Variants in TXNDC16 observed in about 807,000 individuals in gnomAD.
TXNDC16 encodes thioredoxin domain-containing protein 16.
A neutral mutation model predicts 85.6 loss-of-function variants in TXNDC16; 74 were observed. That is an observed-to-expected ratio of 0.86 (90% CI 0.72 to 1.05). The LOEUF (loss-of-function observed/expected upper bound fraction) is 1.05. Ranked by LOEUF, TXNDC16 falls within the 50% of genes least tolerant of loss-of-function variation. The pLI, the probability that TXNDC16 is intolerant of heterozygous loss-of-function variation, is 0.00. For synonymous variants in TXNDC16, 335 were observed against 326.5 expected (o/e 1.03, Z -0.28); for missense variants, 959 against 947.0 (o/e 1.01, Z -0.17).
In TXNDC16 at chr14:52,470,743, C is replaced by T; in HGVS notation, c.1313-63G>A. The T allele has an allele frequency of 2.7e-6, 4 of 1,465,966 alleles. 1 individual carries two copies. In the South Asian group the frequency reaches 5.4e-5, roughly 20 times the overall value. 90.8% of individuals were successfully genotyped at this position (1,465,966 alleles called of 1,614,324 possible). A position where few individuals can be genotyped will look rare whatever the true frequency, so the allele number is the denominator to read the frequency against. On this transcript the variant is annotated intron_variant, in intron 14 of 20. Coordinates refer to ENST00000281741, the MANE Select transcript of TXNDC16 (RefSeq NM_020784.3). Reference sequence around the variant, plus strand: ...TGTAGAAAATGCATTTGCTTAGGATCTTCAGTATTTTTCTATCCCATTCTT... The same window carrying T: ...TGTAGAAAATGCATTTGCTTAGGATTTTCAGTATTTTTCTATCCCATTCTT...
intron 8 of TXNDC16, among the ~76,000 whole-genome samples, chr14:52,512,655 C>T (rs530498352): frequency 1.1e-4 from 17 of 152,022 alleles, no homozygotes; most frequent in South Asian, 8.3e-4. Flanking sequence ...TTGCAGATAA[C>T]GGAAAACAAA....
intron 9 of TXNDC16, among the ~76,000 whole-genome samples, chr14:52,499,005 A>G (rs1231563887): frequency 6.6e-6 from 1 of 152,186 alleles, no homozygotes; most frequent in African/African-American, 2.4e-5. Context: ...TAGAGAGCCC[A>G]CAAATAAACC....
At chr14:52,530,843 C>T (rs1056644281) in intron 6 of TXNDC16, among the ~76,000 whole-genome samples, 1 of 150,316 alleles carries the variant, frequency 6.7e-6, no homozygotes, top group Non-Finnish European at 1.5e-5. Context: ...TTTAAGTATG[C>T]AGGCATATAT....
intron 9 of TXNDC16, among the ~76,000 whole-genome samples, chr14:52,499,127 G>C (rs2036597875): frequency 6.6e-6 from 1 of 152,022 alleles, no homozygotes; most frequent in Non-Finnish European, 1.5e-5. Context: ...ACATGCAAAA[G>C]AATGAAAATG....
intron 6 of TXNDC16, among the ~76,000 whole-genome samples, chr14:52,522,535 GA>G (rs2037233735): frequency 6.6e-6 from 1 of 152,196 alleles, no homozygotes; most frequent in South Asian, 2.1e-4. Flanking sequence ...GAACAGTAAA[GA>G]ATTATTTCAA....
At position 52,519,232 on chromosome 14, in the gene TXNDC16, T is replaced by A. The variant is rs28593180; in HGVS notation, c.454A>T (p.Asn152Tyr). 10,495 of 1,608,442 alleles carry A rather than the reference T, an allele frequency of 6.5e-3. 562 individuals are homozygous for A. In the African/African-American group the frequency reaches 0.12, roughly 19 times the overall value. Residue 152 changes from asparagine to tyrosine, a missense_variant, in exon 7 of 21, where the codon AAT becomes TAT. Transcript: ENST00000281741. The stretch of plus-strand genomic sequence containing the variant: ...ATATTTGCTTTTCCTTTCAGAGCAT[T>A]TTCTATGTTCTGAAGGTCTTCCAGG... ...TNLEDLQNIE[N>Y]ALKGKANIIF...
chr14:52,528,211 A>T (rs1370488020), intron 6 of TXNDC16, among the ~76,000 whole-genome samples: 1 of 152,140 alleles, frequency 6.6e-6, no homozygotes, highest in Non-Finnish European at 1.5e-5. Flanking sequence ...ACTGTAGGTC[A>T]CTGGTCTCAA....
intron 4 of TXNDC16, among the ~76,000 whole-genome samples, chr14:52,541,346 G>T (rs1223387672): frequency 6.6e-6 from 1 of 152,066 alleles, no homozygotes; most frequent in East Asian, 1.9e-4. Context: ...ATTAGCGACA[G>T]TCTACCAGTT....
chr14:52,431,499 AT>A lies in TXNDC16; in HGVS notation c.*804del. 6.6e-6 allele frequency: 1 copy of A among 152,154 alleles called. No individual in the cohort carries two copies. The highest frequency in any genetic ancestry group is 1.9e-4 in the East Asian group (1 of 5,204). 9.4% of individuals were successfully genotyped at this position (152,154 alleles called of 1,614,324 possible). A position where few individuals can be genotyped will look rare whatever the true frequency, so the allele number is the denominator to read the frequency against. On this transcript the variant is annotated 3_prime_UTR_variant, in exon 21 of 21. Transcript: ENST00000281741. The stretch of plus-strand genomic sequence containing the variant: ...CTAATACATATCTTTAATAGCCAAA[AT>A]TTTTTCAAACATGATACGTGAGCAG...
intron 17 of TXNDC16, among the ~76,000 whole-genome samples, chr14:52,456,635 A>G (rs1184546539): frequency 6.6e-6 from 1 of 152,234 alleles, no homozygotes; most frequent in East Asian, 1.9e-4. Flanking sequence ...TATAGCAACT[A>G]AAATATTTTG....
chr14:52,546,059 G>A lies in TXNDC16; in HGVS notation c.-181-1688C>T, dbSNP rs137985152. ...CCAGCCCTCTGGGAGGCAGAGGCAG[G>A]AAGATCACTTGAGCCTAGGAGTTCA... On this transcript the variant is annotated intron_variant, in intron 1 of 20. Transcript: ENST00000281741. 3.9e-3 allele frequency among the ~76,000 whole-genome samples: 597 copies of A among 152,152 alleles called. 2 individuals carry two copies. Among genetic ancestry groups the A allele is most frequent in the Non-Finnish European group, 6.5e-3 (441 of 67,998 alleles).
rs2035511421 is a variant in TXNDC16, at chr14:52,455,474, G to A, written c.1704-12C>T. ...CATATTTGGTTGACCTATGGAGAAA[G>A]GCAGTATTAAAATTCACGATCAAAA... On this transcript the variant is annotated splice_polypyrimidine_tract_variant and intron_variant, in intron 17 of 20. Transcript: ENST00000281741. 2 of 1,613,028 alleles carry A rather than the reference G, an allele frequency of 1.2e-6. No homozygotes were observed. Among genetic ancestry groups the A allele is most frequent in the Admixed American group, 1.7e-5 (1 of 59,860 alleles).
At chr14:52,482,644 A>G (rs997757245) in intron 13 of TXNDC16, among the ~76,000 whole-genome samples, 178 bp downstream of exon 13, 3 of 152,190 alleles carry the variant, frequency 2.0e-5, no homozygotes, top group Non-Finnish European at 2.9e-5. Context: ...TTTGTAAATC[A>G]GATATAAATC....
intron 6 of TXNDC16, 100 bp downstream of exon 6, chr14:52,536,619 T>C: frequency 9.3e-7 from 1 of 1,079,700 alleles, no homozygotes. Flanking sequence ...ACAAATATAA[T>C]GTTAAAACCC....
intron 1 of TXNDC16, among the ~76,000 whole-genome samples, chr14:52,551,475 G>GA (rs11380216): frequency 0.19 from 24,907 of 132,006 alleles, 2,400 homozygotes; most frequent in African/African-American, 0.28. Flanking sequence ...TGAAAAAAAG[G>GA]AAAAAAAAAA....
At chr14:52,443,207 A>G (rs1312323360) in intron 18 of TXNDC16, among the ~76,000 whole-genome samples, 2 of 152,098 alleles carry the variant, frequency 1.3e-5, no homozygotes, top group Non-Finnish European at 2.9e-5. Flanking sequence ...GACAGAAAAA[A>G]GTGTAAAGAC....
chr14:52,454,307 T>C (rs72684230), intron 18 of TXNDC16, among the ~76,000 whole-genome samples: 3,888 of 151,460 alleles, frequency 0.026, 75 homozygotes, highest in Non-Finnish European at 0.043. Flanking sequence ...ATGCCTGTAG[T>C]CCTGGCTACT....
chr14:52,438,084 C>T (rs982479308), intron 20 of TXNDC16, among the ~76,000 whole-genome samples: 15 of 152,144 alleles, frequency 9.9e-5, no homozygotes, highest in African/African-American at 3.4e-4. Flanking sequence ...GAATCTTGAA[C>T]GGATGCTTCT....
At chr14:52,442,747 T>G (rs1426730385) in intron 18 of TXNDC16, among the ~76,000 whole-genome samples, 3 of 152,110 alleles carry the variant, frequency 2.0e-5, no homozygotes, top group African/African-American at 7.2e-5. Context: ...TGACAGATCT[T>G]TTATTGAACA....
Sources: allele counts gnomAD v4.1 joint callset (sites outside exome capture counted in the v4.1 genomes callset), GRCh38; gene constraint gnomAD v4.1.1; transcripts MANE v1.5; gene names NCBI Gene and HGNC (gene_info 2026-07-23, HGNC 2026-07-21).